Variants in CANX observed in about 807,000 individuals in gnomAD.
The protein encoded by CANX is calnexin.
Under a neutral mutation model 75.7 loss-of-function variants are expected in CANX, and 14 were observed. The observed-to-expected ratio is 0.19, with a 90% CI of 0.12 to 0.29. CANX has a LOEUF of 0.29. Ranked by LOEUF, CANX falls within the 10% of genes least tolerant of loss-of-function variation. CANX has a pLI of 1.00. For missense variants in CANX, 567 were observed against 713.2 expected (o/e 0.79, Z 2.34); for synonymous variants, 227 against 236.9 (o/e 0.96, Z 0.38).
At chr5:179,715,700 T>G (rs751102116) in intron 7 of CANX, among the ~76,000 whole-genome samples, 2 of 152,202 alleles carry the variant, frequency 1.3e-5, no homozygotes, top group African/African-American at 2.4e-5. Flanking sequence ...CCAGCTCTAT[T>G]AAAAATGAAG....
At chr5:179,693,237 T>C (rs1776332272) in intron 1 of CANX, among the ~76,000 whole-genome samples, 1 of 151,116 alleles carries the variant, frequency 6.6e-6, no homozygotes, top group African/African-American at 2.4e-5. Flanking sequence ...ATATATATGG[T>C]TAATGAACAT....
chr5:179,698,744 C>A (rs1776511187), upstream of CANX: 3 of 670,324 alleles, frequency 4.5e-6, no homozygotes, highest in African/African-American at 3.7e-5. Context: ...TCACCTCCCG[C>A]CCAACCAACA....
At chr5:179,724,841 C>G in intron 13 of CANX, 58 bp downstream of exon 13, 1 of 1,541,456 alleles carries the variant, frequency 6.5e-7, no homozygotes, top group Admixed American at 2.0e-5. Flanking sequence ...TGTTGTTAAA[C>G]CTTTACAGTC....
At chr5:179,708,782 A>C (rs1352509575) in intron 5 of CANX, among the ~76,000 whole-genome samples, 196 bp from the exon 6 acceptor site, 1 of 152,226 alleles carries the variant, frequency 6.6e-6, no homozygotes, top group Admixed American at 6.5e-5. Context: ...AATCTGCATT[A>C]ATGTTCAATT....
intron 1 of CANX, among the ~76,000 whole-genome samples, chr5:179,688,061 CTT>C (rs76113200): frequency 2.3e-4 from 32 of 136,286 alleles, no homozygotes; most frequent in Admixed American, 3.0e-4. Flanking sequence ...AGTCAGTATT[CTT>C]TTTTTTTTTT....
At chr5:179,710,220 C>T (rs939333403) in intron 7 of CANX, among the ~76,000 whole-genome samples, 155 bp downstream of exon 7, 8 of 149,462 alleles carry the variant, frequency 5.4e-5, no homozygotes, top group African/African-American at 1.2e-4. Flanking sequence ...ATCAGGAATT[C>T]GAGAACAGTC....
chr5:179,699,382 GCTTTGCTTCTAGGGCTTTCTTAGGCCT>G (rs1188697396), intron 1 of CANX, among the ~76,000 whole-genome samples: 1 of 152,206 alleles, frequency 6.6e-6, no homozygotes, highest in African/African-American at 2.4e-5. Context: ...TATTCCTATG[GCTTTGCTTCTAGGGCTTTCTTAGGCCT>G]CTTTGCCGGC....
In CANX at chr5:179,698,972, TGGCCGAGGC is replaced by T. The variant is rs2113076237; in HGVS notation, c.-133_-125del. Reference sequence around the variant, plus strand: ...GTGGGGCTCGCTCGCGCGGCAGCGGTGGCCGAGGCCTCTTGGTTCTGCGGCACGTGACGG... The same window carrying T: ...GTGGGGCTCGCTCGCGCGGCAGCGGTCTCTTGGTTCTGCGGCACGTGACGG... On this transcript the variant is annotated 5_prime_UTR_variant, in exon 1 of 15. Coordinates refer to ENST00000247461, the MANE Select transcript of CANX (RefSeq NM_001746.4). 8.9e-7 allele frequency: 1 copy of T among 1,124,404 alleles called. No homozygotes were observed. The highest frequency in any genetic ancestry group is 5.0e-5 in the Admixed American group (1 of 19,850). The allele number at this position is 1,124,404 out of a possible 1,614,324, so 69.7% of individuals were successfully genotyped here. A position where few individuals can be genotyped will look rare whatever the true frequency, so the allele number is the denominator to read the frequency against.
In CANX at chr5:179,722,838, A is replaced by G; in HGVS notation, c.1217A>G (p.Asp406Gly). 6.2e-7 allele frequency: 1 copy of G among 1,613,580 alleles called. No individual in the cohort carries two copies. The highest frequency in any genetic ancestry group is 8.5e-7 in the Non-Finnish European group (1 of 1,179,556). Residue 406 changes from aspartate (D) to glycine (G), a missense_variant, in exon 11 of 15, where the codon GAT becomes GGT. Transcript: ENST00000247461. ...IWKPRKIPNPDFFEDLEPFRM... is the reference protein window; with the variant it reads ...IWKPRKIPNPGFFEDLEPFRM... ...AAACCCAGGAAAATACCAAATCCAG[A>G]TTTCTTTGAAGATCTGGAACCTTTC...
At chr5:179,681,490 T>C (rs1389435260) in intron 1 of CANX, among the ~76,000 whole-genome samples, 2 of 152,072 alleles carry the variant, frequency 1.3e-5, no homozygotes, top group Non-Finnish European at 2.9e-5. Flanking sequence ...TGAGCCAGAG[T>C]GTGGTCTCAC....
chr5:179,706,119 G>A, intron 2 of CANX, 139 bp from the exon 3 acceptor site: 2 of 611,548 alleles, frequency 3.3e-6, no homozygotes, highest in South Asian at 2.2e-5. Context: ...CTTGCTAGAG[G>A]CCAATTATAT....
At chr5:179,715,992 A>G in intron 7 of CANX, 113 bp from the exon 8 acceptor site, 5 of 804,988 alleles carry the variant, frequency 6.2e-6, no homozygotes, top group Non-Finnish European at 1.1e-5. Context: ...TCTTACCCCA[A>G]AGCCTCAGGT....
chr5:179,714,648 G>C (rs1400380506), intron 7 of CANX, among the ~76,000 whole-genome samples: 1 of 152,092 alleles, frequency 6.6e-6, no homozygotes, highest in Non-Finnish European at 1.5e-5. Context: ...CTCCCGAGTA[G>C]CTGGGACTAC....
chr5:179,684,919 A>ATTTTTTTTTTTTTTT (rs1562433057), intron 1 of CANX, among the ~76,000 whole-genome samples: 3 of 95,258 alleles, frequency 3.1e-5, no homozygotes, highest in African/African-American at 1.3e-4. Context: ...CACCTGGCTA[A>ATTTTTTTTTTTTTTT]TTTTGTATTT....
At position 179,719,868 on chromosome 5, in the gene CANX, CTGGA is replaced by C; in HGVS notation, c.1025+88_1025+91del. 1.3e-5 allele frequency: 10 copies of C among 745,358 alleles called. No homozygotes were observed. In the South Asian group the frequency reaches 1.7e-4, roughly 13 times the overall value. 46.2% of individuals were successfully genotyped at this position (745,358 alleles called of 1,614,324 possible). On this transcript the variant is annotated intron_variant, in intron 9 of 14. Coordinates refer to ENST00000247461, the MANE Select transcript of CANX (RefSeq NM_001746.4). ...ATGGAGTCTCACTCTGTCTCCCAGG[CTGGA>C]GTTCAGTGGCGCAGTTTCGGCTCAC... is the stretch of plus-strand genomic sequence containing the variant.
chr5:179,687,997 T>C (rs1435621996), intron 1 of CANX, among the ~76,000 whole-genome samples: 1 of 149,954 alleles, frequency 6.7e-6, no homozygotes, highest in Non-Finnish European at 1.5e-5. Flanking sequence ...ATAGTGCCAC[T>C]GCACTCCAGC....
chr5:179,726,579 A>G (rs1778690404), intron 13 of CANX, 101 bp from the exon 14 acceptor site: 1 of 689,186 alleles, frequency 1.5e-6, no homozygotes. Context: ...CTGTCTCCAA[A>G]AAAAAAAAAA....
At position 179,724,792 on chromosome 5, in the gene CANX, C is replaced by G. The variant is rs774144908; in HGVS notation, c.1645+9C>G. ...AGGAGAAGAGAAACTTGGTAAGAAA[C>G]AGAGTCCAGAAAATCTGCTTTAAGC... On this transcript the variant is annotated intron_variant, in intron 13 of 14. Transcript: ENST00000247461. 1.3e-6 allele frequency: 2 copies of G among 1,598,804 alleles called. No individual in the cohort carries two copies. Among genetic ancestry groups the G allele is most frequent in the Non-Finnish European group, 1.7e-6 (2 of 1,171,812 alleles).
intron 1 of CANX, among the ~76,000 whole-genome samples, chr5:179,689,115 A>T (rs141246781): frequency 3.3e-5 from 5 of 152,186 alleles, no homozygotes; most frequent in Admixed American, 1.3e-4. Context: ...TTAGCTGGGC[A>T]TGGTGGTGTG....
Sources: gnomAD v4.1 joint callset for allele counts (sites outside exome capture counted in the v4.1 genomes callset) on GRCh38, gnomAD v4.1.1 for gene constraint, MANE v1.5 for transcripts, NCBI Gene and HGNC (gene_info 2026-07-23, HGNC 2026-07-21) for gene names.